Variants in STXBP6 observed in about 807,000 individuals in gnomAD.
The protein encoded by STXBP6 is syntaxin binding protein 6.
Under a neutral mutation model 26.9 loss-of-function variants are expected in STXBP6, and 21 were observed. The observed-to-expected ratio is 0.78, with a 90% CI of 0.55 to 1.12. The LOEUF is 1.12. Among genes scored for constraint, STXBP6 ranks in the 50% most tolerant of loss-of-function variants. The pLI is 0.00. For synonymous variants in STXBP6, 97 were observed against 92.6 expected (o/e 1.05, Z -0.27); for missense variants, 232 against 257.9 (o/e 0.90, Z 0.69).
intron 1 of STXBP6, among the ~76,000 whole-genome samples, chr14:24,996,377 A>G (rs779204375): frequency 1.3e-5 from 2 of 151,934 alleles, no homozygotes; most frequent in Admixed American, 6.6e-5. Context: ...GCAACTGTCA[A>G]CCTAACTGGG....
intron 2 of STXBP6, among the ~76,000 whole-genome samples, chr14:24,962,348 G>A (rs1308744751): frequency 1.4e-5 from 2 of 147,458 alleles, no homozygotes; most frequent in Admixed American, 1.4e-4. Context: ...TATTATTTTT[G>A]AGACAGAGTC....
chr14:25,044,170 CAAAAAAAA>C (rs768658907), intron 1 of STXBP6, among the ~76,000 whole-genome samples: 1 of 53,328 alleles, frequency 1.9e-5, no homozygotes, highest in African/African-American at 7.9e-5. Context: ...GACTCTGCCT[CAAAAAAAA>C]AAAAAAAAAA....
At chr14:25,006,187 T>A (rs1011755345) in intron 1 of STXBP6, among the ~76,000 whole-genome samples, 1 of 152,232 alleles carries the variant, frequency 6.6e-6, no homozygotes, top group Admixed American at 6.5e-5. Context: ...GGATTCAAGC[T>A]GATGGGCTCA....
At chr14:24,914,383 TTTTTA>T (rs1462014941) in intron 2 of STXBP6, among the ~76,000 whole-genome samples, 2 of 152,192 alleles carry the variant, frequency 1.3e-5, no homozygotes, top group Non-Finnish European at 2.9e-5. Flanking sequence ...AATGCTTGGC[TTTTTA>T]TTTTACTTTT....
rs915535239 is a variant in STXBP6 at position 24,939,228 on chromosome 14, T to A, written c.154+35437A>T. Among the ~76,000 whole-genome samples the A allele has an allele frequency of 1.2e-4, 19 of 152,232 alleles. No homozygotes were observed. In the East Asian group the frequency reaches 3.7e-3, roughly 29 times the overall value. On this transcript the variant is annotated intron_variant, in intron 2 of 5. Coordinates refer to ENST00000323944, the MANE Select transcript of STXBP6 (RefSeq NM_001394410.1). ...GTGACTGTGGCCAAGGCAACAGAGA[T>A]ACTGCATCAACAGACCACAGGGATA...
chr14:24,886,895 C>T (rs1445642712), intron 2 of STXBP6, among the ~76,000 whole-genome samples: 2 of 152,184 alleles, frequency 1.3e-5, no homozygotes, highest in Admixed American at 6.5e-5. Context: ...CTGTTTCTTT[C>T]TTGAATCCAA....
intron 2 of STXBP6, among the ~76,000 whole-genome samples, chr14:24,882,351 C>T (rs1405176552): frequency 1.7e-5 from 2 of 118,210 alleles, no homozygotes; most frequent in African/African-American, 3.3e-5. Flanking sequence ...TGCACTCCAG[C>T]CTGGGCGACA....
intron 1 of STXBP6, among the ~76,000 whole-genome samples, chr14:25,016,093 A>C (rs781051791): frequency 3.3e-4 from 50 of 152,332 alleles, no homozygotes; most frequent in Non-Finnish European, 5.7e-4. Flanking sequence ...TGAGATGAGA[A>C]ATGAAAAATG....
At chr14:25,047,153 C>T (rs1482116419) in intron 1 of STXBP6, among the ~76,000 whole-genome samples, 2 of 152,160 alleles carry the variant, frequency 1.3e-5, no homozygotes, top group Admixed American at 6.6e-5. Flanking sequence ...CTCCTTTCCA[C>T]AAATGTCTGA....
intron 2 of STXBP6, among the ~76,000 whole-genome samples, chr14:24,862,293 C>T (rs1391945753): frequency 2.6e-5 from 4 of 152,114 alleles, no homozygotes; most frequent in African/African-American, 7.2e-5. Flanking sequence ...CCACCATGCC[C>T]GACCTAAACC....
At chr14:24,995,797 T>G (rs2140305871) in intron 1 of STXBP6, among the ~76,000 whole-genome samples, 1 of 152,310 alleles carries the variant, frequency 6.6e-6, no homozygotes, top group Non-Finnish European at 1.5e-5. Flanking sequence ...CCAGCCCATA[T>G]CTTTCCCTTT....
At chr14:24,970,089 A>G (rs1210386986) in intron 2 of STXBP6, among the ~76,000 whole-genome samples, 1 of 152,056 alleles carries the variant, frequency 6.6e-6, no homozygotes, top group Non-Finnish European at 1.5e-5. Context: ...TAAAAATACA[A>G]AATCAGTTGG....
chr14:25,035,774 T>C (rs2075539305), intron 1 of STXBP6, among the ~76,000 whole-genome samples: 1 of 152,172 alleles, frequency 6.6e-6, no homozygotes, highest in African/African-American at 2.4e-5. Flanking sequence ...AGCAATCTGG[T>C]TACCCACGGC....
intron 2 of STXBP6, among the ~76,000 whole-genome samples, chr14:24,944,914 C>T (rs2072927827): frequency 6.6e-6 from 1 of 151,994 alleles, no homozygotes; most frequent in African/African-American, 2.4e-5. Context: ...CTGCCACTAG[C>T]AAACAATAAG....
At chr14:24,969,963 C>T (rs967203913) in intron 2 of STXBP6, among the ~76,000 whole-genome samples, 2 of 152,062 alleles carry the variant, frequency 1.3e-5, no homozygotes, top group South Asian at 2.1e-4. Flanking sequence ...CAATTTCGGC[C>T]GGGTGTGGTG....
At position 24,995,431 on chromosome 14, in the gene STXBP6, GT is replaced by G. The variant is rs36006921; in HGVS notation, c.-32-20582del. Among the ~76,000 whole-genome samples the G allele has an allele frequency of 5.3e-4, 78 of 148,538 alleles. 1 individual carries two copies. Among genetic ancestry groups the G allele is most frequent in the Admixed American group, 1.9e-3 (28 of 14,914 alleles). ...TCCACAGAGCAAGTGCTCAATAATA[GT>G]TTTTTTTTTGCATGAATGGATGAAC... On this transcript the variant is annotated intron_variant, in intron 1 of 5. Coordinates refer to ENST00000323944, the MANE Select transcript of STXBP6 (RefSeq NM_001394410.1).
At chr14:24,828,788 T>G (rs1327004072) in intron 4 of STXBP6, among the ~76,000 whole-genome samples, 1 of 152,172 alleles carries the variant, frequency 6.6e-6, no homozygotes, top group Non-Finnish European at 1.5e-5. Flanking sequence ...CAAATTATAA[T>G]TAGATATTAA....
intron 1 of STXBP6, among the ~76,000 whole-genome samples, chr14:25,034,664 T>C (rs548590039): frequency 6.6e-6 from 1 of 152,268 alleles, no homozygotes; most frequent in African/African-American, 2.4e-5. Context: ...TTTCTGACTC[T>C]GTAAAACAGG....
chr14:25,031,906 C>T (rs1197808683), intron 1 of STXBP6, among the ~76,000 whole-genome samples: 1 of 152,042 alleles, frequency 6.6e-6, no homozygotes, highest in Non-Finnish European at 1.5e-5. Flanking sequence ...TCTTGGACCC[C>T]AACGAAGAGC....
Sources: gnomAD v4.1 joint callset for allele counts (sites outside exome capture counted in the v4.1 genomes callset) on GRCh38, gnomAD v4.1.1 for gene constraint, MANE v1.5 for transcripts, NCBI Gene and HGNC (gene_info 2026-07-23, HGNC 2026-07-21) for gene names.